Variants in SRGAP3 observed in about 807,000 individuals in gnomAD.
SRGAP3 encodes SLIT-ROBO Rho GTPase-activating protein 3.
A neutral mutation model predicts 121.1 loss-of-function variants in SRGAP3; 39 were observed. The ratio of observed to expected loss-of-function variants is 0.32; its 90% CI spans 0.25 to 0.42. The LOEUF (loss-of-function observed/expected upper bound fraction) is 0.42. Ranked by LOEUF, SRGAP3 falls within the 10% of genes least tolerant of loss-of-function variation. The pLI is 1.00. For synonymous variants in SRGAP3, 601 were observed against 570.0 expected, an observed-to-expected ratio of 1.05 and a Z score of -0.77; for missense variants, 1,213 against 1,470.6, an observed-to-expected ratio of 0.82 and a Z score of 2.86.
intron 1 of SRGAP3, among the ~76,000 whole-genome samples, chr3:9,144,989 TC>T (rs1193311893): frequency 6.6e-6 from 1 of 152,258 alleles, no homozygotes; most frequent in African/African-American, 2.4e-5. Flanking sequence ...TCATTGTTAT[TC>T]ATGCCCATAT....
At chr3:9,046,094 T>G (rs927704920) in intron 10 of SRGAP3, among the ~76,000 whole-genome samples, 1 of 152,170 alleles carries the variant, frequency 6.6e-6, no homozygotes, top group Non-Finnish European at 1.5e-5. Context: ...AAAAGCTCAC[T>G]GCAACTGAGT....
chr3:9,128,221 T>C (rs58950739), intron 1 of SRGAP3, among the ~76,000 whole-genome samples: 4,852 of 152,318 alleles, frequency 0.032, 237 homozygotes, highest in African/African-American at 0.11. Flanking sequence ...GCATTTCCCA[T>C]ACAAAGTTAT....
chr3:9,128,431 G>A (rs932940437), intron 1 of SRGAP3, among the ~76,000 whole-genome samples: 4 of 152,210 alleles, frequency 2.6e-5, no homozygotes, highest in African/African-American at 9.7e-5. Flanking sequence ...CATAAAATAT[G>A]TTAAGATTAA....
intron 1 of SRGAP3, among the ~76,000 whole-genome samples, chr3:9,164,214 T>A (rs946357522): frequency 6.6e-6 from 1 of 151,604 alleles, no homozygotes; most frequent in Admixed American, 6.6e-5. Flanking sequence ...TCAGGCTCAA[T>A]GTCACTCAGC....
chr3:9,145,608 C>T (rs1275572590), intron 1 of SRGAP3, among the ~76,000 whole-genome samples: 11 of 152,164 alleles, frequency 7.2e-5, no homozygotes, highest in Non-Finnish European at 1.6e-4. Context: ...GAATGTACAA[C>T]CCTGGGAGAG....
intron 17 of SRGAP3, among the ~76,000 whole-genome samples, chr3:9,012,270 A>G (rs1372345703): frequency 6.6e-6 from 1 of 152,236 alleles, no homozygotes; most frequent in African/African-American, 2.4e-5. Flanking sequence ...TTGACAATCA[A>G]AAAACAAACT....
intron 14 of SRGAP3, among the ~76,000 whole-genome samples, chr3:9,022,023 C>T (rs956082882): frequency 6.6e-6 from 1 of 151,730 alleles, no homozygotes; most frequent in Admixed American, 6.6e-5. Context: ...AGGCAGAGAC[C>T]CTGTCTCAAA....
chr3:8,998,313 A>G (rs1293269952), intron 18 of SRGAP3, among the ~76,000 whole-genome samples: 1 of 152,124 alleles, frequency 6.6e-6, no homozygotes, highest in Non-Finnish European at 1.5e-5. Flanking sequence ...CACTCAACAA[A>G]TATGTATTAA....
chr3:9,013,176 A>C (rs1943455527), intron 17 of SRGAP3, 132 bp downstream of exon 17: 1 of 861,644 alleles, frequency 1.2e-6, no homozygotes, highest in Admixed American at 2.1e-5. Flanking sequence ...GCTGCTGTGA[A>C]GCTCAGATGA....
chr3:9,328,544 A>T (rs1409705726), intron 2 of SRGAP3, among the ~76,000 whole-genome samples: 3 of 152,242 alleles, frequency 2.0e-5, no homozygotes, highest in African/African-American at 7.2e-5. Context: ...AATTTTAGCC[A>T]GGCCAAACGG....
chr3:9,179,942 T>A (rs1333735546), intron 1 of SRGAP3, among the ~76,000 whole-genome samples: 1 of 152,184 alleles, frequency 6.6e-6, no homozygotes, highest in African/African-American at 2.4e-5. Flanking sequence ...AGATGCCCGG[T>A]CAATACTCAA....
chr3:9,033,346 TG>T (rs1043937820), intron 11 of SRGAP3: 3 of 155,246 alleles, frequency 1.9e-5, no homozygotes, highest in African/African-American at 7.2e-5. Flanking sequence ...GCAACTTCTT[TG>T]GGGTCCCTGG....
chr3:9,270,243 T>G lies in SRGAP3; in HGVS notation n.442+55767A>C, dbSNP rs1370412226. 2.0e-5 allele frequency among the ~76,000 whole-genome samples: 3 copies of G among 152,338 alleles called. No homozygotes were observed. In the East Asian group the frequency reaches 5.8e-4, roughly 29 times the overall value. On this transcript the variant is annotated intron_variant and non_coding_transcript_variant, in intron 3 of 3. Coordinates refer to the SRGAP3 transcript ENST00000490889. ...GTAATATTGATAATAAAAGTATACA[T>G]ATTTTATAATTAGAAAAAACACATT...
chr3:9,037,009 T>G (rs1012991707), intron 11 of SRGAP3: 1 of 152,068 alleles, frequency 6.6e-6, no homozygotes, highest in Non-Finnish European at 1.5e-5. Flanking sequence ...CGTCTCCCCA[T>G]CCTGAGCCCA....
At chr3:9,251,833 C>T (rs574026445), upstream of SRGAP3, among the ~76,000 whole-genome samples, 1 of 152,246 alleles carries the variant, frequency 6.6e-6, no homozygotes, top group Admixed American at 6.5e-5. Context: ...TACCTTCTGG[C>T]TCTGCTGTGC....
intron 1 of SRGAP3, among the ~76,000 whole-genome samples, chr3:9,150,949 C>G (rs1267438310): frequency 6.6e-6 from 1 of 152,210 alleles, no homozygotes; most frequent in Non-Finnish European, 1.5e-5. Flanking sequence ...TGGGTCAACT[C>G]CAGACTTTCT....
intron 11 of SRGAP3, chr3:9,035,535 A>AG: frequency 5.4e-6 from 1 of 183,796 alleles, no homozygotes; most frequent in Admixed American, 6.2e-5. Flanking sequence ...AGTGGGGAGC[A>AG]GGGGGGCAGC....
chr3:9,298,099 T>C (rs1179369407), intron 3 of SRGAP3, among the ~76,000 whole-genome samples: 2 of 152,170 alleles, frequency 1.3e-5, no homozygotes, highest in African/African-American at 2.4e-5. Flanking sequence ...TTACACCACC[T>C]AGTCAGTAGT....
intron 1 of SRGAP3, among the ~76,000 whole-genome samples, chr3:9,232,325 A>G (rs1446091685): frequency 1.3e-5 from 2 of 152,068 alleles, no homozygotes; most frequent in African/African-American, 2.4e-5. Context: ...ATACATGCTC[A>G]TTTTTTTCAG....
Sources: gnomAD v4.1 joint callset for allele counts (sites outside exome capture counted in the v4.1 genomes callset) on GRCh38, gnomAD v4.1.1 for gene constraint, MANE v1.5 for transcripts, NCBI Gene and HGNC (gene_info 2026-07-23, HGNC 2026-07-21) for gene names.